NLGN1: variants seen among roughly 807,000 people sequenced by gnomAD.
NLGN1 encodes the protein neuroligin-1.
A neutral mutation model predicts 65.5 loss-of-function variants in NLGN1; 12 were observed. The ratio of observed to expected loss-of-function variants is 0.18; its 90% CI spans 0.12 to 0.30. The LOEUF (loss-of-function observed/expected upper bound fraction) is 0.30. NLGN1 is among the 10% of genes least tolerant of loss of function. The probability of loss-of-function intolerance (pLI) is 1.00; values close to 1 mark genes in which losing one functional copy is unlikely to be tolerated. For missense variants in NLGN1, 750 were observed against 1,007.1 expected (o/e 0.74, Z 3.46); for synonymous variants, 350 against 359.5 (o/e 0.97, Z 0.30).
the NLGN1 span, among the ~76,000 whole-genome samples, chr3:174,292,618 C>T: frequency 1.3e-5 from 2 of 150,382 alleles, no homozygotes; most frequent in Non-Finnish European, 3.0e-5. Flanking sequence ...TCCTGCCATT[C>T]CTCCACCAAC....
At chr3:174,016,965 T>C (rs1726688399) in intron 4 of NLGN1, among the ~76,000 whole-genome samples, 1 of 152,096 alleles carries the variant, frequency 6.6e-6, no homozygotes, top group Non-Finnish European at 1.5e-5. Context: ...AAAAATATTA[T>C]TGCATGGCCT....
At chr3:173,758,083 C>G (rs1036958255) in intron 3 of NLGN1, among the ~76,000 whole-genome samples, 10 of 151,950 alleles carry the variant, frequency 6.6e-5, no homozygotes, top group Admixed American at 3.9e-4. Flanking sequence ...TTATCTGAAA[C>G]TATTGCTGGC....
intron 2 of NLGN1, among the ~76,000 whole-genome samples, chr3:173,566,988 T>C (rs1419347080): frequency 6.6e-6 from 1 of 152,176 alleles, no homozygotes; most frequent in Non-Finnish European, 1.5e-5. Flanking sequence ...GCCACTAATG[T>C]CGAGTAAACA....
chr3:173,951,457 C>CT (rs67595515), intron 4 of NLGN1, among the ~76,000 whole-genome samples: 38,303 of 142,458 alleles, frequency 0.27, 5,375 homozygotes, highest in African/African-American at 0.37. Context: ...AGGTATCATT[C>CT]TTTTTTTTTT....
intron 4 of NLGN1, among the ~76,000 whole-genome samples, chr3:173,829,111 G>A (rs1185452753): frequency 2.6e-5 from 4 of 152,058 alleles, no homozygotes; most frequent in Non-Finnish European, 5.9e-5. Context: ...TATGATGGAG[G>A]CTTGGACCAG....
At chr3:173,805,188 C>G (rs1260486157) in intron 3 of NLGN1, among the ~76,000 whole-genome samples, 1 of 152,050 alleles carries the variant, frequency 6.6e-6, no homozygotes, top group East Asian at 1.9e-4. Flanking sequence ...AGAATTTTAC[C>G]TGTTTTAGTA....
intron 2 of NLGN1, among the ~76,000 whole-genome samples, chr3:173,538,146 C>T (rs1737763624): frequency 6.6e-6 from 1 of 152,090 alleles, no homozygotes; most frequent in African/African-American, 2.4e-5. Flanking sequence ...CCCTTGATTC[C>T]CAGACCCGTG....
chr3:173,778,515 T>A (rs4568169), intron 3 of NLGN1, among the ~76,000 whole-genome samples: 119,261 of 151,746 alleles, frequency 0.79, 47,815 homozygotes, highest in Non-Finnish European at 0.86. Context: ...CCTAAAAATA[T>A]ATGAAGAATT....
At chr3:173,515,316 G>A (rs1398256056) in intron 2 of NLGN1, among the ~76,000 whole-genome samples, 1 of 151,938 alleles carries the variant, frequency 6.6e-6, no homozygotes. Context: ...TCTATTCAAG[G>A]TTTTAGCCCA....
chr3:173,809,279 T>G (rs1039514363), intron 4 of NLGN1, among the ~76,000 whole-genome samples: 1 of 152,184 alleles, frequency 6.6e-6, no homozygotes, highest in Admixed American at 6.5e-5. Context: ...TCATAATAAT[T>G]CTTGAATCTT....
intron 2 of NLGN1, chr3:173,584,872 C>T (rs1267606003): frequency 6.6e-6 from 1 of 151,898 alleles, no homozygotes; most frequent in Non-Finnish European, 1.5e-5. Context: ...CAAGAATTAC[C>T]GGGTGCTCGA....
At chr3:173,809,620 G>A (rs968314202) in intron 4 of NLGN1, among the ~76,000 whole-genome samples, 3 of 151,914 alleles carry the variant, frequency 2.0e-5, no homozygotes, top group African/African-American at 4.8e-5. Context: ...TCTGTTATTG[G>A]TTCTGTTTAT....
intron 4 of NLGN1, among the ~76,000 whole-genome samples, chr3:173,882,412 C>T (rs971887855): frequency 2.6e-5 from 4 of 152,198 alleles, no homozygotes; most frequent in African/African-American, 9.6e-5. Flanking sequence ...ATGGCATCTT[C>T]TTCTAATATA....
intron 4 of NLGN1, among the ~76,000 whole-genome samples, chr3:174,174,065 G>T (rs1159721810): frequency 6.6e-6 from 1 of 152,040 alleles, no homozygotes; most frequent in Non-Finnish European, 1.5e-5. Flanking sequence ...ATATGAGTGA[G>T]AACATATGAT....
chr3:174,174,720 T>C (rs1186256427), intron 4 of NLGN1, among the ~76,000 whole-genome samples: 1 of 151,934 alleles, frequency 6.6e-6, no homozygotes, highest in East Asian at 1.9e-4. Flanking sequence ...TTCTGGGTAT[T>C]AGTCCTTGAT....
At chr3:173,935,618 ACACACTCTCT>A (rs1744910133) in intron 4 of NLGN1, among the ~76,000 whole-genome samples, 1 of 117,022 alleles carries the variant, frequency 8.5e-6, no homozygotes, top group Non-Finnish European at 1.9e-5. Context: ...ACACACACAC[ACACACTCTCT>A]CTCTCTCTCT....
At chr3:174,222,870 T>C (rs2152807350) in intron 4 of NLGN1, among the ~76,000 whole-genome samples, 1 of 152,328 alleles carries the variant, frequency 6.6e-6, no homozygotes, top group Non-Finnish European at 1.5e-5. Flanking sequence ...GTTCAATTGA[T>C]ATAAATGGAA....
chr3:173,653,667 A>G lies in NLGN1; in HGVS notation c.493+48576A>G, dbSNP rs561988018. 2.0e-5 allele frequency among the ~76,000 whole-genome samples: 3 copies of G among 152,270 alleles called. No homozygotes were observed. In the South Asian group the frequency reaches 6.2e-4, roughly 32 times the overall value. On this transcript the variant is annotated intron_variant, in intron 3 of 6. Transcript: ENST00000457714. ...ACAAGATAGCTATAAATTATTTGCTATTTATGTATTGAGACATGGAATCTG... is the reference window on the plus strand; with the variant it reads ...ACAAGATAGCTATAAATTATTTGCTGTTTATGTATTGAGACATGGAATCTG...
intron 4 of NLGN1, among the ~76,000 whole-genome samples, chr3:173,893,208 C>T (rs1735678322): frequency 6.6e-6 from 1 of 152,226 alleles, no homozygotes; most frequent in Non-Finnish European, 1.5e-5. Flanking sequence ...TAAAGACACT[C>T]ATCCATCTAG....
Sources: allele counts gnomAD v4.1 joint callset (sites outside exome capture counted in the v4.1 genomes callset), GRCh38; gene constraint gnomAD v4.1.1; transcripts MANE v1.5; gene names NCBI Gene and HGNC (gene_info 2026-07-23, HGNC 2026-07-21).